Variants in DPYD observed in about 807,000 individuals in gnomAD.
DPYD encodes dihydropyrimidine dehydrogenase, also known as dihydropyrimidine dehydrogenase [NADP(+)].
In DPYD, 109 loss-of-function variants were observed where a neutral mutation model predicts 116.2. The ratio of observed to expected loss-of-function variants is 0.94; its 90% CI spans 0.80 to 1.10. DPYD has a LOEUF of 1.10. DPYD is among the 50% of genes least tolerant of loss of function. DPYD has a pLI of 0.00. For missense variants in DPYD, 1,302 were observed against 1,254.5 expected (o/e 1.04, Z -0.57); for synonymous variants, 440 against 432.0 (o/e 1.02, Z -0.23).
chr1:97,607,671 G>A (rs1655686507), intron 8 of DPYD, among the ~76,000 whole-genome samples: 1 of 151,654 alleles, frequency 6.6e-6, no homozygotes, highest in African/African-American at 2.4e-5. Context: ...TATTGAAGAA[G>A]GACCAATCAG....
chr1:97,193,285 A>G (rs1394695472), intron 19 of DPYD, 37 bp from the exon 20 acceptor site: 3 of 1,592,078 alleles, frequency 1.9e-6, no homozygotes, highest in Non-Finnish European at 2.6e-6. Context: ...GTGTCAAACC[A>G]AGAGATAATT....
intron 20 of DPYD, among the ~76,000 whole-genome samples, chr1:97,151,589 C>A: frequency 6.6e-6 from 1 of 152,092 alleles, no homozygotes; most frequent in Non-Finnish European, 1.5e-5. Context: ...GCAGGACAAT[C>A]GATTGAACCT....
chr1:97,666,203 C>G (rs1193665470), intron 8 of DPYD, among the ~76,000 whole-genome samples: 1 of 152,084 alleles, frequency 6.6e-6, no homozygotes, highest in Non-Finnish European at 1.5e-5. Flanking sequence ...ACCAGAATCT[C>G]ACTCTGTCAC....
chr1:97,436,746 A>T (rs1675493950), intron 14 of DPYD, among the ~76,000 whole-genome samples: 1 of 151,998 alleles, frequency 6.6e-6, no homozygotes, highest in East Asian at 1.9e-4. Context: ...TCATTTCTTA[A>T]TACTATCTAA....
chr1:97,873,162 G>A (rs945039235), intron 2 of DPYD, among the ~76,000 whole-genome samples: 8 of 151,866 alleles, frequency 5.3e-5, no homozygotes, highest in African/African-American at 1.5e-4. Flanking sequence ...GGCAAAAACC[G>A]TTTTGTCCCT....
intron 14 of DPYD, among the ~76,000 whole-genome samples, chr1:97,447,541 A>G (rs1214864522): frequency 6.6e-6 from 1 of 152,242 alleles, no homozygotes; most frequent in Non-Finnish European, 1.5e-5. Context: ...ATACAGAAAA[A>G]GAATGATGTG....
chr1:97,539,195 A>G (rs1004560346), intron 12 of DPYD, among the ~76,000 whole-genome samples: 1 of 152,148 alleles, frequency 6.6e-6, no homozygotes, highest in Non-Finnish European at 1.5e-5. Context: ...TTCAACGGCA[A>G]TTATTCTGTA....
At chr1:97,913,437 C>A (rs988309870) in intron 1 of DPYD, among the ~76,000 whole-genome samples, 1 of 152,140 alleles carries the variant, frequency 6.6e-6, no homozygotes, top group Non-Finnish European at 1.5e-5. Flanking sequence ...AGCAAACTCA[C>A]TGAAGATCAG....
intron 5 of DPYD, among the ~76,000 whole-genome samples, chr1:97,701,771 T>A (rs983716643): frequency 6.6e-6 from 1 of 151,904 alleles, no homozygotes; most frequent in African/African-American, 2.4e-5. Flanking sequence ...AAGGTCCTCA[T>A]AAATGGTCTC....
intron 3 of DPYD, among the ~76,000 whole-genome samples, chr1:97,763,251 A>G (rs1665673669): frequency 1.3e-5 from 2 of 152,026 alleles, no homozygotes. Context: ...CTGTATCATT[A>G]TATTTCTAGC....
At chr1:97,655,854 G>A (rs1402541395) in intron 8 of DPYD, among the ~76,000 whole-genome samples, 1 of 152,128 alleles carries the variant, frequency 6.6e-6, no homozygotes, top group South Asian at 2.1e-4. Context: ...GGTTCTTTTT[G>A]AGTCATTTAG....
rs551027644 is a variant in DPYD, at chr1:97,743,395, C to T, written c.234-2916G>A. The stretch of plus-strand genomic sequence containing the variant: ...TCACTCTGACAGCTCAGTAATTACA[C>T]TACTGCTATAGCCAGGTAGTCCTAA... On this transcript the variant is annotated intron_variant, in intron 3 of 22. Coordinates refer to ENST00000370192, the MANE Select transcript of DPYD (RefSeq NM_000110.4). Among the ~76,000 whole-genome samples, 7 of 152,266 alleles carry T rather than the reference C, an allele frequency of 4.6e-5. No individual in the cohort carries two copies. In the South Asian group the frequency reaches 1.5e-3, roughly 32 times the overall value.
At chr1:97,651,527 T>C (rs991602059) in intron 8 of DPYD, among the ~76,000 whole-genome samples, 1 of 152,284 alleles carries the variant, frequency 6.6e-6, no homozygotes, top group African/African-American at 2.4e-5. Flanking sequence ...TATCATTTTC[T>C]ATCAGTGCCC....
intron 4 of DPYD, among the ~76,000 whole-genome samples, chr1:97,733,658 A>T (rs1347801108): frequency 6.6e-6 from 1 of 152,076 alleles, no homozygotes; most frequent in African/African-American, 2.4e-5. Flanking sequence ...ATTGCTTTAA[A>T]TAATATATTT....
rs955504065 is a variant in DPYD, at chr1:97,421,698, T to C, written c.1905+28361A>G. ...GTGAGACACAGGCACCCTGTCTCCA[T>C]GTCAGGGGGATATTACTGCAACTCC... On this transcript the variant is annotated intron_variant, in intron 14 of 22. Coordinates refer to ENST00000370192, the MANE Select transcript of DPYD (RefSeq NM_000110.4). Among the ~76,000 whole-genome samples the C allele has an allele frequency of 1.7e-4, 26 of 152,146 alleles. 1 individual carries two copies. The highest frequency in any genetic ancestry group is 1.6e-3 in the Admixed American group (24 of 15,268).
At chr1:97,755,857 C>T (rs1665198039) in intron 3 of DPYD, among the ~76,000 whole-genome samples, 1 of 152,056 alleles carries the variant, frequency 6.6e-6, no homozygotes, top group African/African-American at 2.4e-5. Context: ...ACAGTTCCTG[C>T]CATTAATGAG....
intron 13 of DPYD, among the ~76,000 whole-genome samples, chr1:97,508,568 G>T (rs771802383): frequency 1.1e-4 from 16 of 151,954 alleles, no homozygotes; most frequent in Non-Finnish European, 1.9e-4. Context: ...CACTCTATAC[G>T]AAGCAGTGGG....
At chr1:97,609,999 C>A (rs1655837824) in intron 8 of DPYD, among the ~76,000 whole-genome samples, 1 of 151,910 alleles carries the variant, frequency 6.6e-6, no homozygotes, top group Non-Finnish European at 1.5e-5. Flanking sequence ...TGACAAAAAT[C>A]AATTCATTTT....
intron 18 of DPYD, among the ~76,000 whole-genome samples, chr1:97,278,594 T>C (rs1665105504): frequency 6.6e-6 from 1 of 152,206 alleles, no homozygotes; most frequent in Non-Finnish European, 1.5e-5. Flanking sequence ...CCAAACAGAT[T>C]TCCTGTTGTT....
Sources: allele counts gnomAD v4.1 joint callset (sites outside exome capture counted in the v4.1 genomes callset), GRCh38; gene constraint gnomAD v4.1.1; transcripts MANE v1.5; gene names NCBI Gene and HGNC (gene_info 2026-07-23, HGNC 2026-07-21).